Variants in RUFY3 observed in about 807,000 individuals in gnomAD.
RUFY3 encodes protein RUFY3.
Under a neutral mutation model 84.0 loss-of-function variants are expected in RUFY3, and 34 were observed. That is an observed-to-expected ratio of 0.40 (90% CI 0.31 to 0.54). The LOEUF is 0.54. Ranked by LOEUF, RUFY3 falls within the 20% of genes least tolerant of loss-of-function variation. The pLI is 0.39. For missense variants in RUFY3, 507 were observed against 736.8 expected, an observed-to-expected ratio of 0.69 and a Z score of 3.61; for synonymous variants, 242 against 252.9, an observed-to-expected ratio of 0.96 and a Z score of 0.41.
At chr4:70,729,552 T>C (rs1350317822) in intron 1 of RUFY3, among the ~76,000 whole-genome samples, 2 of 152,128 alleles carry the variant, frequency 1.3e-5, no homozygotes, top group South Asian at 2.1e-4. Context: ...GCCATCATGC[T>C]TGAGTTTTTC....
In RUFY3 at chr4:70,806,834, T is replaced by C. The variant is rs1445813279; in HGVS notation, c.*175T>C. Reference sequence around the variant, plus strand: ...GGGTTACTGGAAATTTTGCTCATTTTCTCTAATGACTGTATGAATAAAAGT... The same window carrying C: ...GGGTTACTGGAAATTTTGCTCATTTCCTCTAATGACTGTATGAATAAAAGT... On this transcript the variant is annotated 3_prime_UTR_variant, in exon 18 of 18. Transcript: ENST00000381006. 3.0e-6 allele frequency: 2 copies of C among 666,442 alleles called. No homozygotes were observed. Among genetic ancestry groups the C allele is most frequent in the African/African-American group, 3.6e-5 (2 of 55,462 alleles). The allele number at this position is 666,442 out of a possible 1,614,324, so 41.3% of individuals were successfully genotyped here.
intron 15 of RUFY3, among the ~76,000 whole-genome samples, chr4:70,800,650 G>A (rs944457606): frequency 2.0e-5 from 3 of 152,172 alleles, no homozygotes; most frequent in Admixed American, 1.3e-4. Context: ...TTGGGAGGCC[G>A]AGGCAGGTGG....
At chr4:70,734,944 A>C (rs1203729138) in intron 1 of RUFY3, among the ~76,000 whole-genome samples, 1 of 152,152 alleles carries the variant, frequency 6.6e-6, no homozygotes, top group Non-Finnish European at 1.5e-5. Context: ...TCATAACAGA[A>C]CTCACATTAA....
At chr4:70,728,454 C>T (rs562225623) in intron 1 of RUFY3, among the ~76,000 whole-genome samples, 1 of 152,324 alleles carries the variant, frequency 6.6e-6, no homozygotes, top group African/African-American at 2.4e-5. Context: ...ATCACTTTCT[C>T]ATCGTTGTAA....
intron 1 of RUFY3, among the ~76,000 whole-genome samples, chr4:70,744,866 G>A (rs565925988): frequency 6.6e-6 from 1 of 151,952 alleles, no homozygotes; most frequent in South Asian, 2.1e-4. Context: ...TGTTGGCTAG[G>A]CTGGTCTCGA....
intron 1 of RUFY3, among the ~76,000 whole-genome samples, chr4:70,711,437 T>C (rs539404208): frequency 5.3e-5 from 8 of 152,216 alleles, no homozygotes; most frequent in Non-Finnish European, 1.2e-4. Flanking sequence ...ACTAGTAGTT[T>C]TGGAAACAGC....
chr4:70,789,776 G>A, intron 12 of RUFY3, 184 bp downstream of exon 12: 11 of 1,224,062 alleles, frequency 9.0e-6, no homozygotes, highest in South Asian at 4.5e-5. Flanking sequence ...AATGTTTTTA[G>A]GAAATGTCAA....
intron 1 of RUFY3, among the ~76,000 whole-genome samples, chr4:70,755,736 G>C (rs1723895533): frequency 6.6e-6 from 1 of 152,084 alleles, no homozygotes; most frequent in Non-Finnish European, 1.5e-5. Flanking sequence ...CGGATCACGA[G>C]GTCAGGAGAT....
At chr4:70,742,654 T>C (rs1420708753) in intron 1 of RUFY3, among the ~76,000 whole-genome samples, 1 of 152,248 alleles carries the variant, frequency 6.6e-6, no homozygotes, top group African/African-American at 2.4e-5. Context: ...CTTGTGTGTT[T>C]ATCAACCTAG....
At chr4:70,704,962 C>A (rs1740088057) in exon 1 of RUFY3, 1 of 1,228,092 alleles carries the variant, frequency 8.1e-7, no homozygotes, top group Non-Finnish European at 1.0e-6. Context: ...CCGCCGCCCA[C>A]CGCTGGTGCC....
At chr4:70,728,055 C>G (rs1443300582) in intron 1 of RUFY3, among the ~76,000 whole-genome samples, 6 of 152,150 alleles carry the variant, frequency 3.9e-5, no homozygotes, top group African/African-American at 1.4e-4. Flanking sequence ...TCTCAAGTGA[C>G]TACAGATACC....
chr4:70,763,601 A>G lies in RUFY3; in HGVS notation c.402A>G (p.Glu134=). Residue 134 remains glutamate (E), a synonymous_variant, in exon 3 of 18, where the codon GAA becomes GAG. Coordinates refer to ENST00000381006, the MANE Select transcript of RUFY3 (RefSeq NM_001037442.4). ...ATAAATCCTTCTGGGGGCCTCTAGA[A>G]CTGGTAGAAAAGCTTGTTCCAGAAG... ...GQNKSFWGPL[E]LVEKLVPEAA... The G allele has an allele frequency of 1.2e-6, 2 of 1,613,594 alleles. No homozygotes were observed. Among genetic ancestry groups the G allele is most frequent in the Non-Finnish European group, 1.7e-6 (2 of 1,179,774 alleles).
chr4:70,705,267 G>A, exon 1 of RUFY3: 1 of 1,439,504 alleles, frequency 6.9e-7, no homozygotes, highest in Non-Finnish European at 9.1e-7. Flanking sequence ...GAGCGGCGGC[G>A]GCGGCAGCAG....
chr4:70,804,188 G>A (rs1047257863), intron 16 of RUFY3, among the ~76,000 whole-genome samples, 160 bp from the exon 17 acceptor site: 5 of 152,118 alleles, frequency 3.3e-5, no homozygotes, highest in African/African-American at 9.7e-5. Flanking sequence ...AGGATTATCC[G>A]AGTTGTATTA....
At chr4:70,759,003 A>C (rs1332321969) in intron 1 of RUFY3, among the ~76,000 whole-genome samples, 1 of 151,820 alleles carries the variant, frequency 6.6e-6, no homozygotes, top group East Asian at 1.9e-4. Flanking sequence ...GTGCCACTGC[A>C]CTCCAGCCTG....
At chr4:70,765,209 G>GTATATATATATATA (rs59630867) in intron 4 of RUFY3, among the ~76,000 whole-genome samples, 1 of 137,210 alleles carries the variant, frequency 7.3e-6, no homozygotes, top group African/African-American at 2.7e-5. Context: ...AAAAAAATGT[G>GTATATATATATATA]TATATATATA....
intron 14 of RUFY3, among the ~76,000 whole-genome samples, chr4:70,798,322 T>C (rs1731781515): frequency 6.6e-6 from 1 of 151,332 alleles, no homozygotes; most frequent in South Asian, 2.1e-4. Context: ...TGAGCTGTGA[T>C]CATGCCACTG....
chr4:70,719,188 A>G (rs1441840493), upstream of RUFY3, among the ~76,000 whole-genome samples: 1 of 152,230 alleles, frequency 6.6e-6, no homozygotes, highest in African/African-American at 2.4e-5. Context: ...AATGGCTGCC[A>G]ACACCTCAAA....
rs180852814 is a variant in RUFY3, at chr4:70,713,163, A to G, written c.358+7869A>G. Among the ~76,000 whole-genome samples, 85 of 152,234 alleles carry G rather than the reference A, an allele frequency of 5.6e-4. 1 individual carries two copies. The East Asian group carries it at 0.016, about 28-fold the overall frequency. ...CTCAGTCTCCTGAGTAGCAGGGACT[A>G]TGGGCATGCACCACCACACCCACCT... On this transcript the variant is annotated intron_variant, in intron 1 of 11. Transcript: ENST00000417478.
Sources: allele counts gnomAD v4.1 joint callset (sites outside exome capture counted in the v4.1 genomes callset), GRCh38; gene constraint gnomAD v4.1.1; transcripts MANE v1.5; gene names NCBI Gene and HGNC (gene_info 2026-07-23, HGNC 2026-07-21).